DLGAP2: variants seen among roughly 807,000 people sequenced by gnomAD.
DLGAP2 encodes the protein disks large-associated protein 2.
DLGAP2 carries 26 observed loss-of-function variants against 100.3 expected under a neutral mutation model. The ratio of observed to expected loss-of-function variants is 0.26; its 90% CI spans 0.19 to 0.36. The LOEUF is 0.36. Ranked by LOEUF, DLGAP2 falls within the 10% of genes least tolerant of loss-of-function variation. DLGAP2 has a pLI of 1.00. For missense variants in DLGAP2, 1,858 were observed against 1,453.2 expected (o/e 1.28, Z -4.53); for synonymous variants, 886 against 630.1 (o/e 1.41, Z -6.08).
intron 2 of DLGAP2, among the ~76,000 whole-genome samples, chr8:1,235,532 GT>G (rs1798632609): frequency 5.1e-5 from 1 of 19,620 alleles, no homozygotes; most frequent in Non-Finnish European, 1.5e-4. Flanking sequence ...AGAGCATCAT[GT>G]CTAGTTCTCT....
chr8:1,500,607 C>T (rs1584958259), intron 3 of DLGAP2, among the ~76,000 whole-genome samples: 2 of 152,400 alleles, frequency 1.3e-5, no homozygotes, highest in African/African-American at 4.8e-5. Flanking sequence ...AGTCCAGCTC[C>T]TCAGGGACCA....
At chr8:1,046,838 CT>C (rs545372124) in intron 2 of DLGAP2, among the ~76,000 whole-genome samples, 97 of 149,146 alleles carry the variant, frequency 6.5e-4, no homozygotes, top group African/African-American at 2.0e-3. Context: ...CACAACCCCC[CT>C]TTTTTTTTTC....
At chr8:781,869 A>G (rs942882757) in intron 1 of DLGAP2, among the ~76,000 whole-genome samples, 1 of 152,146 alleles carries the variant, frequency 6.6e-6, no homozygotes, top group South Asian at 2.1e-4. Flanking sequence ...TTCTTTTGTG[A>G]AAAAGGAGAA....
chr8:871,431 C>A (rs1368806212), intron 1 of DLGAP2, among the ~76,000 whole-genome samples: 1 of 152,186 alleles, frequency 6.6e-6, no homozygotes, highest in Non-Finnish European at 1.5e-5. Context: ...TCTGAGTCCA[C>A]CGTTGCTCAT....
chr8:1,450,808 T>C (rs1798138994), intron 3 of DLGAP2, among the ~76,000 whole-genome samples: 1 of 152,122 alleles, frequency 6.6e-6, no homozygotes, highest in African/African-American at 2.4e-5. Context: ...AAGTACTATT[T>C]GGGCAAATAT....
At chr8:797,423 G>T (rs978030869) in intron 1 of DLGAP2, among the ~76,000 whole-genome samples, 1 of 152,230 alleles carries the variant, frequency 6.6e-6, no homozygotes, top group Non-Finnish European at 1.5e-5. Flanking sequence ...TTCTGCTGAA[G>T]AATGTGCCAC....
intron 8 of DLGAP2, among the ~76,000 whole-genome samples, chr8:1,650,664 CT>C (rs2130808887): frequency 6.6e-6 from 1 of 152,268 alleles, no homozygotes; most frequent in African/African-American, 2.4e-5. Flanking sequence ...AAGACAGAAG[CT>C]TGGGTGACAG....
chr8:1,548,483 A>C, intron 4 of DLGAP2, 143 bp from the exon 5 acceptor site: 1 of 534,688 alleles, frequency 1.9e-6, no homozygotes, highest in East Asian at 3.4e-5. Flanking sequence ...AAAAAAAAAA[A>C]ACCCACAAAT....
intron 6 of DLGAP2, among the ~76,000 whole-genome samples, chr8:1,583,680 T>C (rs1014586105): frequency 1.3e-5 from 2 of 152,198 alleles, no homozygotes; most frequent in African/African-American, 4.8e-5. Flanking sequence ...ATTTGGTATC[T>C]GGGCTCTCAC....
At chr8:1,663,882 G>C (rs1798477249) in intron 8 of DLGAP2, among the ~76,000 whole-genome samples, 1 of 152,172 alleles carries the variant, frequency 6.6e-6, no homozygotes, top group Non-Finnish European at 1.5e-5. Context: ...TAAATAGTTT[G>C]AGGAAAACTC....
chr8:1,193,395 G>T (rs11136357), intron 2 of DLGAP2, among the ~76,000 whole-genome samples: 28,862 of 152,062 alleles, frequency 0.19, 2,822 homozygotes, highest in Middle Eastern at 0.38. Context: ...TCTCATTGTG[G>T]TTTTGATTTG....
intron 3 of DLGAP2, among the ~76,000 whole-genome samples, chr8:1,351,580 G>T (rs1295717822): frequency 1.4e-5 from 1 of 73,872 alleles, no homozygotes; most frequent in African/African-American, 4.1e-5. Context: ...CTGACTGTGT[G>T]TGGAAAGGAC....
At chr8:1,581,528 AC>A (rs1803259299) in intron 6 of DLGAP2, among the ~76,000 whole-genome samples, 1 of 150,952 alleles carries the variant, frequency 6.6e-6, no homozygotes, top group African/African-American at 2.5e-5. Context: ...AAAACTCCAC[AC>A]ACATCTACAC....
At chr8:1,638,646 C>T (rs1458840675) in intron 8 of DLGAP2, among the ~76,000 whole-genome samples, 2 of 152,092 alleles carry the variant, frequency 1.3e-5, no homozygotes, top group Admixed American at 6.5e-5. Flanking sequence ...TCAGAGGGAG[C>T]TCCAGGGGCT....
At chr8:799,546 G>C (rs1475517088) in intron 1 of DLGAP2, among the ~76,000 whole-genome samples, 1 of 152,168 alleles carries the variant, frequency 6.6e-6, no homozygotes, top group African/African-American at 2.4e-5. Context: ...TTATGACAAT[G>C]CATATTCTGC....
intron 1 of DLGAP2, among the ~76,000 whole-genome samples, chr8:840,457 G>A (rs553255469): frequency 1.2e-4 from 16 of 130,720 alleles, no homozygotes; most frequent in African/African-American, 3.3e-4. Context: ...CTGGGAGCGC[G>A]TCTACACGGT....
chr8:934,914 TTAAAGTC>T (rs752889580), intron 2 of DLGAP2, among the ~76,000 whole-genome samples: 2 of 152,182 alleles, frequency 1.3e-5, no homozygotes, highest in Non-Finnish European at 2.9e-5. Flanking sequence ...CTCTGCCTCT[TTAAAGTC>T]TAAAGAGCAT....
chr8:815,700 T>A (rs1456570088), intron 1 of DLGAP2, among the ~76,000 whole-genome samples: 1 of 152,218 alleles, frequency 6.6e-6, no homozygotes, highest in African/African-American at 2.4e-5. Flanking sequence ...TTGAATTCTA[T>A]CCCTAATGTG....
rs138872959 is a variant in DLGAP2 at position 1,693,294 on chromosome 8, G to A, written c.2796+1668G>A. On this transcript the variant is annotated intron_variant, in intron 13 of 14. Transcript: ENST00000637795. ...TATATATACATTTGCCTACACACAT[G>A]CATACATATACATTCTATATATACT... Among the ~76,000 whole-genome samples, 839 of 148,984 alleles carry A rather than the reference G, an allele frequency of 5.6e-3. 12 individuals are homozygous for A. Among genetic ancestry groups the A allele is most frequent in the African/African-American group, 0.019 (793 of 40,810 alleles).
Sources: gnomAD v4.1 joint callset for allele counts (sites outside exome capture counted in the v4.1 genomes callset) on GRCh38, gnomAD v4.1.1 for gene constraint, MANE v1.5 for transcripts, NCBI Gene and HGNC (gene_info 2026-07-23, HGNC 2026-07-21) for gene names.